HMG20B: variants seen among roughly 807,000 people sequenced by gnomAD.
The protein encoded by HMG20B is high mobility group 20B.
A neutral mutation model predicts 41.6 loss-of-function variants in HMG20B; 24 were observed. That is an observed-to-expected ratio of 0.58 (90% CI 0.42 to 0.81). The LOEUF (loss-of-function observed/expected upper bound fraction) is 0.81, where lower values mean the gene tolerates loss of function less well. Among genes scored for constraint, HMG20B ranks in the 30% least tolerant of loss-of-function variants. The pLI is 0.00. For missense variants in HMG20B, 461 were observed against 444.0 expected, an observed-to-expected ratio of 1.04 and a Z score of -0.34; for synonymous variants, 251 against 186.6, an observed-to-expected ratio of 1.34 and a Z score of -2.81.
intron 5 of HMG20B, 61 bp downstream of exon 5, chr19:3,575,721 C>G: frequency 1.4e-6 from 2 of 1,447,784 alleles, no homozygotes; most frequent in Non-Finnish European, 1.9e-6. Context: ...GAGGCCGAGG[C>G]GGGTGTATCA....
chr19:3,574,193 G>GC (rs1209737494), intron 3 of HMG20B, 190 bp from the exon 4 acceptor site: 1 of 619,386 alleles, frequency 1.6e-6, no homozygotes, highest in African/African-American at 1.8e-5. Flanking sequence ...CTCACCCCTG[G>GC]CCAGGGATCC....
At chr19:3,575,065 G>T (rs370940183) in intron 4 of HMG20B, among the ~76,000 whole-genome samples, 1 of 152,198 alleles carries the variant, frequency 6.6e-6, no homozygotes, top group African/African-American at 2.4e-5. Flanking sequence ...AAGACAGATT[G>T]AAAACTGGAT....
intron 1 of HMG20B, 96 bp from the exon 2 acceptor site, chr19:3,573,196 G>A (rs1300356837): frequency 2.9e-5 from 29 of 1,014,772 alleles, no homozygotes; most frequent in Non-Finnish European, 3.8e-5. Context: ...CTCCGGGCCC[G>A]GCATCCCGGG....
chr19:3,574,987 G>T (rs1025445600), intron 4 of HMG20B, among the ~76,000 whole-genome samples: 1 of 152,142 alleles, frequency 6.6e-6, no homozygotes, highest in Non-Finnish European at 1.5e-5. Context: ...CCAAAGTATT[G>T]ATATTAAAGG....
chr19:3,576,474 C>A, intron 6 of HMG20B, 79 bp from the exon 7 acceptor site: 1 of 1,432,014 alleles, frequency 7.0e-7, no homozygotes, highest in Non-Finnish European at 9.8e-7. Flanking sequence ...CCAGGAGACC[C>A]TCCTAGGCTT....
chr19:3,578,618 C>T lies in HMG20B; in HGVS notation c.*97C>T. The stretch of plus-strand genomic sequence containing the variant: ...GAGGCTGGGGGTCCACCCTTTGGGG[C>T]CTGGTCCCATCCTGCACCTTGGGGG... On this transcript the variant is annotated 3_prime_UTR_variant, in exon 10 of 10. Transcript: ENST00000333651. 6.8e-7 allele frequency: 1 copy of T among 1,472,520 alleles called. No homozygotes were observed. Among genetic ancestry groups the T allele is most frequent in the Admixed American group, 2.0e-5 (1 of 50,862 alleles). 91.2% of individuals were successfully genotyped at this position (1,472,520 alleles called of 1,614,324 possible).
intron 4 of HMG20B, 47 bp from the exon 5 acceptor site, chr19:3,575,493 G>T: frequency 6.4e-7 from 1 of 1,554,562 alleles, no homozygotes; most frequent in Non-Finnish European, 8.7e-7. Flanking sequence ...CTGGATCCTG[G>T]CGTTGGAGGC....
In HMG20B at chr19:3,578,761, A is replaced by G. The variant is rs758546223; in HGVS notation, c.*240A>G. On this transcript the variant is annotated 3_prime_UTR_variant, in exon 10 of 10. Coordinates refer to ENST00000333651, the MANE Select transcript of HMG20B (RefSeq NM_006339.3). ...TACACCCAGAAGAACCTCACAGCCGAGGGTGCCCCTCCTCGGAGGACAGCC... is the reference window on the plus strand; with the variant it reads ...TACACCCAGAAGAACCTCACAGCCGGGGGTGCCCCTCCTCGGAGGACAGCC... 10 of 754,308 alleles carry G rather than the reference A, an allele frequency of 1.3e-5. No individual in the cohort carries two copies. In the Admixed American group the frequency reaches 1.6e-4, roughly 12 times the overall value. The allele number at this position is 754,308 out of a possible 1,614,324, so 46.7% of individuals were successfully genotyped here.
rs866269481 is a variant in HMG20B, at chr19:3,575,553, A to G, written c.365A>G (p.Glu122Gly). The G allele has an allele frequency of 1.3e-6, 2 of 1,562,542 alleles. No homozygotes were observed. Among genetic ancestry groups the G allele is most frequent in the Non-Finnish European group, 1.7e-6 (2 of 1,153,850 alleles). ...QPTEKQRYLD[E>G]AEREKQQYMK... ...GCTGCCCCCCAGCGGTACCTGGATG[A>G]GGCCGAGAGAGAGAAGCAGCAGTAC... is the stretch of plus-strand genomic sequence containing the variant. Residue 122 changes from glutamate (E) to glycine (G), a missense_variant, in exon 5 of 10, where the codon GAG (glutamate) becomes GGG (glycine). Coordinates refer to ENST00000333651, the MANE Select transcript of HMG20B (RefSeq NM_006339.3).
chr19:3,576,287 A>G lies in HMG20B; in HGVS notation c.499A>G (p.Thr167Ala). ...KEDSSSGLMN[T>A]LLNGHKGGDC... is the part of the protein sequence containing the mutation. ...AGACTCGAGCTCTGGGCTCATGAAC[A>G]CTCTCCTGAATGGACACAAGGTAAG... Residue 167 changes from threonine to alanine, a missense_variant, in exon 6 of 10, where the codon ACT becomes GCT. Thr to Ala is a moderately conservative substitution (Grantham distance 58, BLOSUM62 0). Transcript: ENST00000333651. 1 of 1,613,238 alleles carries G rather than the reference A, an allele frequency of 6.2e-7. No individual in the cohort carries two copies. The highest frequency in any genetic ancestry group is 8.5e-7 in the Non-Finnish European group (1 of 1,179,692).
rs888911090 is a variant in HMG20B, at chr19:3,578,903, A to G, written c.*382A>G. 6 of 503,218 alleles carry G rather than the reference A, an allele frequency of 1.2e-5. No homozygotes were observed. Among genetic ancestry groups the G allele is most frequent in the Non-Finnish European group, 2.3e-5 (6 of 258,964 alleles). The allele number at this position is 503,218 out of a possible 1,614,324, so 31.2% of individuals were successfully genotyped here. On this transcript the variant is annotated 3_prime_UTR_variant, in exon 10 of 10. Transcript: ENST00000333651. ...TACGGGGGGCTGTGCCATAGGCCAC[A>G]CAGGAAGCTGCCTTGTGGGGACTTA...
intron 5 of HMG20B, 28 bp downstream of exon 5, chr19:3,575,688 C>G (rs1254614765): frequency 1.9e-6 from 3 of 1,540,424 alleles, no homozygotes; most frequent in Admixed American, 3.9e-5. Flanking sequence ...CGGTGGCTCA[C>G]GCCTGTCATC....
At chr19:3,577,668 C>T (rs1205046377) in intron 8 of HMG20B, among the ~76,000 whole-genome samples, 2 of 143,602 alleles carry the variant, frequency 1.4e-5, no homozygotes, top group African/African-American at 5.2e-5. Flanking sequence ...TCCACCACCC[C>T]AGTCACGTCC....
chr19:3,577,480 CG>C (rs2032196200), intron 8 of HMG20B, among the ~76,000 whole-genome samples: 5 of 108,384 alleles, frequency 4.6e-5, no homozygotes, highest in Admixed American at 9.9e-5. Flanking sequence ...CCCCACCCTT[CG>C]CGCCCCCACC....
Position 3,575,740 on chromosome 19 carries a change from C to T in HMG20B, c.472+80C>T, listed in dbSNP as rs1342150174. On this transcript the variant is annotated intron_variant, in intron 5 of 9. Transcript: ENST00000333651. ...CCGAGGCGGGTGTATCACCTGAGGT[C>T]AGACCAGCCTGGCCAACATAGTGAA... The T allele has an allele frequency of 6.5e-5, 82 of 1,257,546 alleles. 2 individuals are homozygous for T. In the African/African-American group the frequency reaches 7.2e-4, roughly 11 times the overall value. 77.9% of individuals were successfully genotyped at this position (1,257,546 alleles called of 1,614,324 possible). A position where few individuals can be genotyped will look rare whatever the true frequency, so the allele number is the denominator to read the frequency against.
At chr19:3,574,022 A>G in intron 3 of HMG20B, 2 of 686,216 alleles carry the variant, frequency 2.9e-6, no homozygotes, top group Middle Eastern at 2.4e-4. Flanking sequence ...GCCCACTCTA[A>G]GGTCCCGCCC....
intron 6 of HMG20B, 50 bp from the exon 7 acceptor site, chr19:3,576,503 G>C (rs1169498496): frequency 1.3e-6 from 2 of 1,538,482 alleles, no homozygotes; most frequent in South Asian, 1.1e-5. Flanking sequence ...CCCAGAGAGC[G>C]TGGCTGCCTC....
At chr19:3,575,723 G>A in intron 5 of HMG20B, 63 bp downstream of exon 5, 1 of 1,443,928 alleles carries the variant, frequency 6.9e-7, no homozygotes, top group Non-Finnish European at 9.4e-7. Flanking sequence ...GGCCGAGGCG[G>A]GTGTATCACC....
At chr19:3,574,054 C>T in intron 3 of HMG20B, 1 of 655,906 alleles carries the variant, frequency 1.5e-6, no homozygotes, top group Non-Finnish European at 2.7e-6. Flanking sequence ...TTGGGGGCGG[C>T]ACCCTCCCCT....
Sources: allele counts gnomAD v4.1 joint callset (sites outside exome capture counted in the v4.1 genomes callset), GRCh38; gene constraint gnomAD v4.1.1; transcripts MANE v1.5; gene names NCBI Gene and HGNC (gene_info 2026-07-23, HGNC 2026-07-21).